The following ATG7 variants were observed in gnomAD, a reference collection of about 807,000 sequenced individuals.
ATG7 encodes the protein ubiquitin-like modifier-activating enzyme ATG7.
A neutral mutation model predicts 82.4 loss-of-function variants in ATG7; 70 were observed. The ratio of observed to expected loss-of-function variants is 0.85; its 90% CI spans 0.70 to 1.04. ATG7 has a LOEUF of 1.04. Among genes scored for constraint, ATG7 ranks in the 50% least tolerant of loss-of-function variants. The pLI is 0.00. For synonymous variants in ATG7, 287 were observed against 313.0 expected (o/e 0.92, Z 0.88); for missense variants, 792 against 864.3 (o/e 0.92, Z 1.05).
chr3:11,505,106 G>A (rs184304336), intron 20 of ATG7, among the ~76,000 whole-genome samples: 1 of 152,252 alleles, frequency 6.6e-6, no homozygotes, highest in Non-Finnish European at 1.5e-5. Flanking sequence ...ATGGAAGCTG[G>A]GAGCCTGTTA....
intron 11 of ATG7, 58 bp downstream of exon 11, chr3:11,333,151 G>C: frequency 6.8e-7 from 1 of 1,472,208 alleles, no homozygotes; most frequent in South Asian, 1.4e-5. Flanking sequence ...ACGGAACCAG[G>C]TTTACTTTCT....
chr3:11,514,269 C>T (rs774121536), intron 20 of ATG7, among the ~76,000 whole-genome samples: 8 of 152,328 alleles, frequency 5.3e-5, no homozygotes, highest in South Asian at 2.1e-4. Flanking sequence ...CCCATGTTCT[C>T]ATCTACTAAG....
At chr3:11,362,241 G>A (rs1455589225) in intron 16 of ATG7, among the ~76,000 whole-genome samples, 1 of 152,098 alleles carries the variant, frequency 6.6e-6, no homozygotes, top group Non-Finnish European at 1.5e-5. Flanking sequence ...AACCAGCAAA[G>A]GCTTGTGCTT....
chr3:11,386,994 A>G (rs547250129), intron 19 of ATG7, among the ~76,000 whole-genome samples: 1 of 152,296 alleles, frequency 6.6e-6, no homozygotes, highest in South Asian at 2.1e-4. Flanking sequence ...AGTGGGGAAA[A>G]TATTTTCTGT....
At chr3:11,461,862 TA>T (rs951143100) in intron 20 of ATG7, among the ~76,000 whole-genome samples, 1 of 151,430 alleles carries the variant, frequency 6.6e-6, no homozygotes, top group African/African-American at 2.4e-5. Flanking sequence ...CTATCTTTAC[TA>T]AAAATACAAA....
At chr3:11,443,926 C>T (rs1420621428) in intron 20 of ATG7, among the ~76,000 whole-genome samples, 1 of 152,150 alleles carries the variant, frequency 6.6e-6, no homozygotes, top group Admixed American at 6.5e-5. Flanking sequence ...TGCCCTTCAC[C>T]CATCTCATAT....
At chr3:11,283,658 T>C (rs1441187869) in intron 3 of ATG7, among the ~76,000 whole-genome samples, 1 of 152,084 alleles carries the variant, frequency 6.6e-6, no homozygotes, top group Non-Finnish European at 1.5e-5. Flanking sequence ...CTGCTTGTGG[T>C]GGACATGGTG....
Position 11,294,381 on chromosome 3 carries a change from C to T in ATG7, c.-10-4305C>T, listed in dbSNP as rs541404692. Among the ~76,000 whole-genome samples, 47 of 119,480 alleles carry T rather than the reference C, an allele frequency of 3.9e-4. 1 individual carries two copies. Among genetic ancestry groups the T allele is most frequent in the African/African-American group, 1.2e-3 (45 of 37,274 alleles). 78.4% of individuals were successfully genotyped at this position (119,480 alleles called of 152,430 possible). A position where few individuals can be genotyped will look rare whatever the true frequency, so the allele number is the denominator to read the frequency against. ...GATTACAGGTGCACTCCACTACACC[C>T]GGCTAATTTTTTTTTATTTTTAGTA... On this transcript the variant is annotated intron_variant, in intron 3 of 20. Coordinates refer to ENST00000693202, the MANE Select transcript of ATG7 (RefSeq NM_001349232.2).
chr3:11,412,487 C>G (rs1279195649), intron 19 of ATG7, among the ~76,000 whole-genome samples: 1 of 152,070 alleles, frequency 6.6e-6, no homozygotes, highest in African/African-American at 2.4e-5. Flanking sequence ...TTTCTGCGCT[C>G]TCTATTCTGT....
intron 18 of ATG7, among the ~76,000 whole-genome samples, chr3:11,368,315 A>C (rs1559482078): frequency 6.6e-6 from 1 of 151,732 alleles, no homozygotes. Context: ...TGAGCTCTGC[A>C]AGGCCAGATC....
chr3:11,379,473 A>G (rs1295894509), intron 18 of ATG7, among the ~76,000 whole-genome samples: 1 of 152,172 alleles, frequency 6.6e-6, no homozygotes, highest in Non-Finnish European at 1.5e-5. Flanking sequence ...TCTGTTCCAA[A>G]TCAAGCAAAT....
At chr3:11,499,566 T>C (rs2091156151) in intron 20 of ATG7, among the ~76,000 whole-genome samples, 1 of 151,980 alleles carries the variant, frequency 6.6e-6, no homozygotes, top group Admixed American at 6.6e-5. Context: ...GCTAATGTGG[T>C]GAAACCCTGT....
chr3:11,535,950 G>A (rs543037806), intron 20 of ATG7, among the ~76,000 whole-genome samples: 11 of 152,298 alleles, frequency 7.2e-5, no homozygotes, highest in South Asian at 4.1e-4. Flanking sequence ...GTGGGATGAC[G>A]CAGCGTTGCC....
intron 8 of ATG7, among the ~76,000 whole-genome samples, chr3:11,314,915 C>A (rs780534110): frequency 1.3e-5 from 2 of 151,884 alleles, no homozygotes; most frequent in Non-Finnish European, 2.9e-5. Context: ...AGAGCAAGAC[C>A]CTGTCTCAAA....
intron 19 of ATG7, among the ~76,000 whole-genome samples, chr3:11,426,485 C>T (rs993436911): frequency 2.6e-5 from 4 of 151,892 alleles, no homozygotes; most frequent in African/African-American, 9.7e-5. Flanking sequence ...TTTCTCTCAC[C>T]TGTTCTTTTC....
In ATG7 at chr3:11,353,444, A is replaced by G. The variant is rs191333053; in HGVS notation, c.1285-4974A>G. On this transcript the variant is annotated intron_variant, in intron 14 of 20. Transcript: ENST00000693202. Reference sequence around the variant, plus strand: ...GGCGACAGAGTGAGACTCTGTCTCAAAAAAGAAAAAAGAAAAAGTTTAAAT... The same window carrying G: ...GGCGACAGAGTGAGACTCTGTCTCAGAAAAGAAAAAAGAAAAAGTTTAAAT... Among the ~76,000 whole-genome samples, 248 of 152,314 alleles carry G rather than the reference A, an allele frequency of 1.6e-3. 1 individual carries two copies. The highest frequency in any genetic ancestry group is 5.4e-3 in the African/African-American group (226 of 41,558).
At chr3:11,309,983 G>A (rs997406825) in intron 7 of ATG7, among the ~76,000 whole-genome samples, 4 of 151,986 alleles carry the variant, frequency 2.6e-5, no homozygotes, top group Admixed American at 2.0e-4. Flanking sequence ...AGACCAGCCT[G>A]GGCAACACCT....
chr3:11,483,644 G>C, intron 20 of ATG7, among the ~76,000 whole-genome samples: 1 of 152,202 alleles, frequency 6.6e-6, no homozygotes. Flanking sequence ...CTTGTATATA[G>C]AAGTGGAGCT....
At position 11,392,096 on chromosome 3, in the gene ATG7, T is replaced by C. The variant is rs190088178; in HGVS notation, c.1956+12044T>C. On this transcript the variant is annotated intron_variant, in intron 19 of 20. Coordinates refer to ENST00000693202, the MANE Select transcript of ATG7 (RefSeq NM_001349232.2). ...CAGAGGAATGTATTTCTTATGGTCA[T>C]GTTTCAGACTGTAGCATCTTGAAAG... is the stretch of plus-strand genomic sequence containing the variant. Among the ~76,000 whole-genome samples the C allele has an allele frequency of 3.3e-5, 5 of 152,300 alleles. No homozygotes were observed. The East Asian group carries it at 9.6e-4, about 29-fold the overall frequency.
Sources: allele counts gnomAD v4.1 joint callset (sites outside exome capture counted in the v4.1 genomes callset), GRCh38; gene constraint gnomAD v4.1.1; transcripts MANE v1.5; gene names NCBI Gene and HGNC (gene_info 2026-07-23, HGNC 2026-07-21).